ITGA10: variants seen among roughly 807,000 people sequenced by gnomAD.
ITGA10 encodes the protein integrin subunit alpha 10.
A neutral mutation model predicts 145.2 loss-of-function variants in ITGA10; 105 were observed. The observed-to-expected ratio is 0.72, with a 90% CI of 0.62 to 0.85. The LOEUF is 0.85. Among genes scored for constraint, ITGA10 ranks in the 40% least tolerant of loss-of-function variants. ITGA10 has a pLI of 0.00. For synonymous variants in ITGA10, 506 were observed against 557.8 expected, an observed-to-expected ratio of 0.91 and a Z score of 1.31; for missense variants, 1,317 against 1,444.5, an observed-to-expected ratio of 0.91 and a Z score of 1.43.
At chr1:145,902,137 G>A in intron 10 of ITGA10, 109 bp downstream of exon 10, 1 of 1,567,632 alleles carries the variant, frequency 6.4e-7, no homozygotes, top group South Asian at 1.1e-5. Context: ...GGAAAGGCAT[G>A]GGAAGGTGAG....
chr1:145,898,142 T>C lies in ITGA10; in HGVS notation c.2314A>G (p.Asn772Asp). ...DNTTKPGPVL[N>D]EGSPTSIQKL... Reference sequence around the variant, plus strand: ...TGTATAGAGGTGGGTGAGCCCTCATTCAGCACAGGCCCTGGCTTTGTAGTA... The same window carrying C: ...TGTATAGAGGTGGGTGAGCCCTCATCCAGCACAGGCCCTGGCTTTGTAGTA... Residue 772 changes from asparagine (N) to aspartate (D), a missense_variant, in exon 18 of 30, where the codon AAT becomes GAT. Transcript: ENST00000369304. 6.2e-7 allele frequency: 1 copy of C among 1,614,046 alleles called. No homozygotes were observed. The highest frequency in any genetic ancestry group is 8.5e-7 in the Non-Finnish European group (1 of 1,179,958).
intron 7 of ITGA10, 36 bp from the exon 8 acceptor site, chr1:145,902,997 A>G (rs1450081838): frequency 4.5e-6 from 6 of 1,346,820 alleles, no homozygotes; most frequent in East Asian, 2.4e-5. Context: ...GATCAGATGT[A>G]TGCAGACACA....
intron 20 of ITGA10, 48 bp downstream of exon 20, chr1:145,897,464 T>C (rs782317366): frequency 1.2e-6 from 2 of 1,608,766 alleles, no homozygotes; most frequent in South Asian, 2.2e-5. Flanking sequence ...CCCAATCTTC[T>C]TCCTCCTCCT....
Position 145,904,173 on chromosome 1 carries a change from G to A in ITGA10, c.637C>T (p.Pro213Ser), listed in dbSNP as rs1656778584. 1 of 1,613,936 alleles carries A rather than the reference G, an allele frequency of 6.2e-7. No individual in the cohort carries two copies. Among genetic ancestry groups the A allele is most frequent in the Non-Finnish European group, 8.5e-7 (1 of 1,180,004 alleles). The part of the protein sequence containing the change: ...QVGLVQYGES[P>S]VHEWSLGDFR... ...TCTCCCAGGGACCACTCATGTACAG[G>A]GCTCTCCCCATACTGTACCAGTCCC... The change falls in exon 7 of 30, where the codon CCT becomes TCT. Residue 213 changes from proline (P) to serine (S), a missense_variant. Transcript: ENST00000369304.
rs1046278323 is a variant in ITGA10, at chr1:145,904,043, A to G, written c.758+9T>C. 7 of 1,613,418 alleles carry G rather than the reference A, an allele frequency of 4.3e-6. No individual in the cohort carries two copies. The South Asian group carries it at 6.6e-5, about 15-fold the overall frequency. The stretch of plus-strand genomic sequence containing the variant: ...CTAGCCTCCCACACCTGTCTTCCCA[A>G]TGCCTCACCAGGCCACCATTATTGC... On this transcript the variant is annotated intron_variant, in intron 7 of 29. Coordinates refer to ENST00000369304, the MANE Select transcript of ITGA10 (RefSeq NM_003637.5).
At chr1:145,909,896 G>C in intron 1 of ITGA10, 67 bp downstream of exon 1, 3 of 1,345,606 alleles carry the variant, frequency 2.2e-6, no homozygotes, top group Non-Finnish European at 3.2e-6. Context: ...AACTATAATG[G>C]TCCCAATTCC....
chr1:145,898,824 C>T (rs1655815376), intron 17 of ITGA10, 112 bp downstream of exon 17: 2 of 1,307,830 alleles, frequency 1.5e-6, no homozygotes, highest in Non-Finnish European at 2.1e-6. Flanking sequence ...TCTGAATCAT[C>T]TCATTTTCCC....
Position 145,901,785 on chromosome 1 carries a change from A to C in ITGA10, c.1294+92T>G. The C allele has an allele frequency of 1.3e-6, 2 of 1,568,108 alleles. No individual in the cohort carries two copies. Among genetic ancestry groups the C allele is most frequent in the Non-Finnish European group, 1.7e-6 (2 of 1,152,518 alleles). On this transcript the variant is annotated intron_variant, in intron 11 of 29. Coordinates refer to ENST00000369304, the MANE Select transcript of ITGA10 (RefSeq NM_003637.5). The surrounding 1 kb of genome is among the most constrained non-coding windows in gnomAD (Gnocchi z 4.3). Reference sequence around the variant, plus strand: ...TAACCAGAGGTCAGTGAGAAACCGCATGAGTTAAGAGGGAGTATTTCATAC... The same window carrying C: ...TAACCAGAGGTCAGTGAGAAACCGCCTGAGTTAAGAGGGAGTATTTCATAC...
rs1655506323 is a variant in ITGA10, at chr1:145,897,003, A to G, written c.2744+8T>C. ...AGAGGTCTGGAAGAAAGTTCCCTTC[A>G]TTCTCACCTGCTGGCAGTCAGCTTC... On this transcript the variant is annotated splice_region_variant and intron_variant, in intron 22 of 29. Transcript: ENST00000369304. 1.2e-6 allele frequency: 2 copies of G among 1,612,682 alleles called. No individual in the cohort carries two copies. The highest frequency in any genetic ancestry group is 1.7e-6 in the Non-Finnish European group (2 of 1,178,672).
Position 145,907,114 on chromosome 1 carries a change from G to T in ITGA10, c.201C>A (p.Gly67=). The T allele has an allele frequency of 6.4e-7, 1 of 1,563,234 alleles. No homozygotes were observed. The highest frequency in any genetic ancestry group is 8.7e-7 in the Non-Finnish European group (1 of 1,153,248). The change falls in exon 3 of 30, where the codon GGC becomes GGA. Residue 67 remains glycine, a synonymous_variant. Transcript: ENST00000369304. ...LVGAPWDGPS[G]DRRGDVYRCP... ...AGCGATAAACGTCCCCCCTCCGGTC[G>T]CCTGAAGGCCCATCCCAGGGGGCGC... is the stretch of plus-strand genomic sequence containing the variant.
At position 145,895,680 on chromosome 1, in the gene ITGA10, G is replaced by A. The variant is rs201498719; in HGVS notation, c.3065C>T (p.Pro1022Leu). 2.5e-6 allele frequency: 4 copies of A among 1,614,198 alleles called. No homozygotes were observed. The Admixed American group carries it at 5.0e-5, about 20-fold the overall frequency. Residue 1022 changes from proline to leucine, a missense_variant, in exon 26 of 30, where the codon CCC (proline) becomes CTC (leucine). Coordinates refer to ENST00000369304, the MANE Select transcript of ITGA10 (RefSeq NM_003637.5). ...CTCTGGATGCACAGGTGGGCCTGGG[G>A]GTTCAGTCAGGTTCTGCACTATGCA... ...ASCIVQNLTEPPGPPVHPEEL... is the reference protein window; with the variant it reads ...ASCIVQNLTELPGPPVHPEEL...
At chr1:145,906,568 C>T in intron 4 of ITGA10, 60 bp from the exon 5 acceptor site, 2 of 1,473,050 alleles carry the variant, frequency 1.4e-6, no homozygotes, top group Non-Finnish European at 1.9e-6. Context: ...AACATGCTCC[C>T]AGTTGAAGGA....
Position 145,896,110 on chromosome 1 carries a change from T to C in ITGA10, c.2920-14A>G. ...TAGGTTCTGAACCTAAGAGGAAGGT[T>C]GGGAATAGGAAGAAGTGGGAGACAG... On this transcript the variant is annotated splice_polypyrimidine_tract_variant and intron_variant, in intron 24 of 29. Coordinates refer to ENST00000369304, the MANE Select transcript of ITGA10 (RefSeq NM_003637.5). The C allele has an allele frequency of 6.2e-7, 1 of 1,608,088 alleles. No individual in the cohort carries two copies. The highest frequency in any genetic ancestry group is 1.7e-5 in the Admixed American group (1 of 60,008).
chr1:145,898,663 C>T (rs782430061), intron 17 of ITGA10, among the ~76,000 whole-genome samples: 3 of 152,110 alleles, frequency 2.0e-5, no homozygotes, highest in Admixed American at 6.6e-5. Context: ...CCACTGCGCC[C>T]GGCTAAATTT....
At position 145,906,516 on chromosome 1, in the gene ITGA10, T is replaced by C. The variant is rs1553751101; in HGVS notation, c.367-8A>G. 13 of 1,612,192 alleles carry C rather than the reference T, an allele frequency of 8.1e-6. No individual in the cohort carries two copies. The highest frequency in any genetic ancestry group is 1.1e-5 in the South Asian group (1 of 91,028). Reference sequence around the variant, plus strand: ...CCAGAGAGGGGCACAGGCCTGGGGATGGGGGAAATAGTTACTCCCAGGCTT... The same window carrying C: ...CCAGAGAGGGGCACAGGCCTGGGGACGGGGGAAATAGTTACTCCCAGGCTT... On this transcript the variant is annotated splice_polypyrimidine_tract_variant and splice_region_variant and intron_variant, in intron 4 of 29. Coordinates refer to ENST00000369304, the MANE Select transcript of ITGA10 (RefSeq NM_003637.5).
At chr1:145,904,948 G>A in intron 5 of ITGA10, 137 bp from the exon 6 acceptor site, 1 of 815,366 alleles carries the variant, frequency 1.2e-6, no homozygotes, top group Admixed American at 2.4e-5. Flanking sequence ...GCCAGGCTCT[G>A]TGTAAGTGTA....
Position 145,906,942 on chromosome 1 carries a change from T to C in ITGA10, c.274+99A>G, listed in dbSNP as rs115700962. 2.1e-3 allele frequency: 2,422 copies of C among 1,148,316 alleles called. 37 individuals carry two copies. The African/African-American group carries it at 0.032, about 15-fold the overall frequency. 71.1% of individuals were successfully genotyped at this position (1,148,316 alleles called of 1,614,324 possible). ...GGTATCAGATTGGGGACAGGGAGTA[T>C]GCGGATTTTAGGGGTGAAAAAGCTG... On this transcript the variant is annotated intron_variant, in intron 3 of 29. Coordinates refer to ENST00000369304, the MANE Select transcript of ITGA10 (RefSeq NM_003637.5).
Position 145,898,934 on chromosome 1 carries a change from A to G in ITGA10, c.2232+2T>C. 1.2e-6 allele frequency: 2 copies of G among 1,612,800 alleles called. No homozygotes were observed. Among genetic ancestry groups the G allele is most frequent in the Non-Finnish European group, 8.5e-7 (1 of 1,179,176 alleles). The stretch of plus-strand genomic sequence containing the variant: ...GCTAAGCAGTTACTGCCCTCTCCTT[A>G]CCAGCACATGGAAGTGTAGCTGCTC... On this transcript the variant is annotated splice_donor_variant, in intron 17 of 29. Coordinates refer to ENST00000369304, the MANE Select transcript of ITGA10 (RefSeq NM_003637.5). LOFTEE classifies it high-confidence loss of function.
rs182974108 is a variant in ITGA10, at chr1:145,898,879, C to T, written c.2232+57G>A. Reference sequence around the variant, plus strand: ...ATTCAGCTAAAATTCCTCCTCTGACCCAGCTTTCTCCTCATTCTCAGGCCC... The same window carrying T: ...ATTCAGCTAAAATTCCTCCTCTGACTCAGCTTTCTCCTCATTCTCAGGCCC... On this transcript the variant is annotated intron_variant, in intron 17 of 29. Transcript: ENST00000369304. The T allele has an allele frequency of 3.8e-3, 5,999 of 1,559,580 alleles. 17 individuals carry two copies. Among genetic ancestry groups the T allele is most frequent in the Non-Finnish European group, 4.2e-3 (4,892 of 1,151,726 alleles).
Sources: allele counts gnomAD v4.1 joint callset (sites outside exome capture counted in the v4.1 genomes callset), GRCh38; gene constraint gnomAD v4.1.1; non-coding constraint Gnocchi (gnomAD v3.1); transcripts MANE v1.5; gene names NCBI Gene and HGNC (gene_info 2026-07-23, HGNC 2026-07-21).